FAM120B: variants seen among roughly 807,000 people sequenced by gnomAD.
FAM120B encodes the protein family with sequence similarity 120 member B.
Under a neutral mutation model 96.3 loss-of-function variants are expected in FAM120B, and 83 were observed. The ratio of observed to expected loss-of-function variants is 0.86; its 90% CI spans 0.72 to 1.03. FAM120B has a LOEUF of 1.03. Ranked by LOEUF, FAM120B falls within the 50% of genes least tolerant of loss-of-function variation. The pLI, the probability that FAM120B is intolerant of heterozygous loss-of-function variation, is 0.00. For missense variants in FAM120B, 1,027 were observed against 1,121.2 expected (o/e 0.92, Z 1.20); for synonymous variants, 407 against 402.7 (o/e 1.01, Z -0.13).
intron 2 of FAM120B, among the ~76,000 whole-genome samples, chr6:170,320,597 A>G (rs540331669): frequency 3.0e-4 from 46 of 152,352 alleles, no homozygotes; most frequent in Non-Finnish European, 5.7e-4. Flanking sequence ...GAAGGAGGAA[A>G]GGTTTTACAG....
intron 4 of FAM120B, among the ~76,000 whole-genome samples, chr6:170,337,093 G>A (rs984356480): frequency 6.6e-6 from 1 of 152,110 alleles, no homozygotes; most frequent in Non-Finnish European, 1.5e-5. Flanking sequence ...GGTGAGAGAG[G>A]GCATCCTTGT....
chr6:170,397,446 G>A (rs1032533186), intron 9 of FAM120B, among the ~76,000 whole-genome samples: 4 of 152,150 alleles, frequency 2.6e-5, no homozygotes, highest in Non-Finnish European at 4.4e-5. Context: ...GGGGCCAGTC[G>A]GAGCTGTCAC....
chr6:170,355,378 A>G (rs1025563495), intron 5 of FAM120B, among the ~76,000 whole-genome samples: 2 of 152,224 alleles, frequency 1.3e-5, no homozygotes, highest in Admixed American at 6.5e-5. Flanking sequence ...ATGGAATACT[A>G]TGCAGCCATA....
At chr6:170,307,710 G>A (rs1038578870) in intron 1 of FAM120B, among the ~76,000 whole-genome samples, 1 of 152,196 alleles carries the variant, frequency 6.6e-6, no homozygotes, top group African/African-American at 2.4e-5. Context: ...GAAGTGATGT[G>A]ATCAGATCTT....
intron 9 of FAM120B, among the ~76,000 whole-genome samples, chr6:170,397,548 C>G (rs1053334301): frequency 3.9e-5 from 6 of 152,124 alleles, no homozygotes; most frequent in African/African-American, 1.4e-4. Context: ...GTGATTGCAG[C>G]AGGTGGTGAG....
intron 6 of FAM120B, among the ~76,000 whole-genome samples, chr6:170,384,055 T>C (rs545997732): frequency 9.6e-4 from 146 of 152,338 alleles, no homozygotes; most frequent in Non-Finnish European, 1.7e-3. Flanking sequence ...ACATATTACA[T>C]GATTCTATTT....
At chr6:170,401,517 G>A (rs1320738675) in intron 9 of FAM120B, among the ~76,000 whole-genome samples, 2 of 152,184 alleles carry the variant, frequency 1.3e-5, no homozygotes, top group Non-Finnish European at 2.9e-5. Context: ...AAGGGCCAGG[G>A]AGCAGGGAGG....
intron 6 of FAM120B, among the ~76,000 whole-genome samples, chr6:170,383,348 C>T (rs967421454): frequency 1.3e-5 from 2 of 151,988 alleles, no homozygotes; most frequent in East Asian, 1.9e-4. Context: ...TTAAAAATGT[C>T]GCTCTATTAG....
At chr6:170,398,336 A>G (rs538940107) in intron 9 of FAM120B, among the ~76,000 whole-genome samples, 2,845 of 151,808 alleles carry the variant, frequency 0.019, 98 homozygotes, top group African/African-American at 0.066. Context: ...GAACTATGTC[A>G]TAACTCTTAG....
At chr6:170,307,324 C>T (rs1325111075) in intron 1 of FAM120B, among the ~76,000 whole-genome samples, 2 of 152,192 alleles carry the variant, frequency 1.3e-5, no homozygotes, top group African/African-American at 4.8e-5. Flanking sequence ...TGAATCAGGG[C>T]CCCAGCTCTT....
chr6:170,399,575 A>C (rs1280923289), intron 9 of FAM120B, among the ~76,000 whole-genome samples: 1 of 150,856 alleles, frequency 6.6e-6, no homozygotes, highest in South Asian at 2.1e-4. Context: ...AGGTAGAACT[A>C]TGTCATAACC....
Position 170,404,790 on chromosome 6 carries a change from A to G in FAM120B, c.*39A>G. 1 of 589,292 alleles carries G rather than the reference A, an allele frequency of 1.7e-6. No individual in the cohort carries two copies. 36.5% of individuals were successfully genotyped at this position (589,292 alleles called of 1,614,324 possible). A position where few individuals can be genotyped will look rare whatever the true frequency, so the allele number is the denominator to read the frequency against. ...AGAGTATGGAGAGAAAAAGAGGCACACCTGGACGCAGAGCCCTGCCAGCGC... is the reference window on the plus strand; with the variant it reads ...AGAGTATGGAGAGAAAAAGAGGCACGCCTGGACGCAGAGCCCTGCCAGCGC... On this transcript the variant is annotated 3_prime_UTR_variant, in exon 11 of 11. Coordinates refer to ENST00000476287, the MANE Select transcript of FAM120B (RefSeq NM_032448.3).
At chr6:170,306,606 T>G (rs1357215886), upstream of FAM120B, 1 of 152,176 alleles carries the variant, frequency 6.6e-6, no homozygotes, top group Non-Finnish European at 1.5e-5. Flanking sequence ...CGCCGGCGCC[T>G]GCGCGCCGCG....
At chr6:170,387,132 A>C (rs1437095189) in intron 6 of FAM120B, among the ~76,000 whole-genome samples, 2 of 152,166 alleles carry the variant, frequency 1.3e-5, no homozygotes, top group Non-Finnish European at 2.9e-5. Flanking sequence ...CTTTTTAAAA[A>C]CGAGTGTTGT....
chr6:170,315,525 A>G (rs565000722), intron 1 of FAM120B, among the ~76,000 whole-genome samples: 1 of 151,988 alleles, frequency 6.6e-6, no homozygotes, highest in Non-Finnish European at 1.5e-5. Flanking sequence ...CACTTCAAAA[A>G]CTCAAATACC....
upstream of FAM120B, chr6:170,291,124 GC>G (rs1210407052): frequency 4.3e-3 from 1,537 of 354,478 alleles, 19 homozygotes; most frequent in African/African-American, 0.073. Flanking sequence ...ACCCTTCCCC[GC>G]CCCCCCAGTC....
chr6:170,319,227 G>C, intron 2 of FAM120B, 103 bp downstream of exon 2: 1 of 1,147,038 alleles, frequency 8.7e-7, no homozygotes, highest in Admixed American at 2.4e-5. Flanking sequence ...CCACTGAGAG[G>C]ATGCACAACA....
chr6:170,317,742 T>C lies in FAM120B; in HGVS notation c.352T>C (p.Tyr118His). The C allele has an allele frequency of 9.3e-6, 15 of 1,614,126 alleles. No individual in the cohort carries two copies. Among genetic ancestry groups the C allele is most frequent in the Non-Finnish European group, 1.3e-5 (15 of 1,179,962 alleles). The change falls in exon 2 of 11, where the codon TAC becomes CAC. Residue 118 changes from tyrosine to histidine, a missense_variant. Coordinates refer to ENST00000476287, the MANE Select transcript of FAM120B (RefSeq NM_032448.3). The stretch of plus-strand genomic sequence containing the variant: ...CAGGGAGATATCCAGGATTTTTCAT[T>C]ACATCAAGTCACACAAGGAGCAGCC... The part of the protein sequence containing the change: ...NNREISRIFH[Y>H]IKSHKEQPGR...
At chr6:170,300,395 C>T (rs1049761951) in intron 1 of FAM120B, among the ~76,000 whole-genome samples, 9 of 152,176 alleles carry the variant, frequency 5.9e-5, no homozygotes, top group Admixed American at 3.9e-4. Context: ...GAAACTTCCT[C>T]CCACGACATG....
Sources: gnomAD v4.1 joint callset for allele counts (sites outside exome capture counted in the v4.1 genomes callset) on GRCh38, gnomAD v4.1.1 for gene constraint, MANE v1.5 for transcripts, NCBI Gene and HGNC (gene_info 2026-07-23, HGNC 2026-07-21) for gene names.